Variants in RGS6 observed in about 807,000 individuals in gnomAD.
The protein encoded by RGS6 is regulator of G-protein signaling 6.
A neutral mutation model predicts 78.5 loss-of-function variants in RGS6; 30 were observed. The observed-to-expected ratio is 0.38, with a 90% confidence interval of 0.29 to 0.52. The LOEUF is 0.52. RGS6 is among the 20% of genes least tolerant of loss of function. The pLI is 0.85. For missense variants in RGS6, 495 were observed against 609.7 expected, an observed-to-expected ratio of 0.81 and a Z score of 1.98; for synonymous variants, 206 against 206.0, an observed-to-expected ratio of 1.00 and a Z score of 0.00.
intron 1 of RGS6, among the ~76,000 whole-genome samples, chr14:71,948,149 G>T (rs2091805646): frequency 2.0e-5 from 3 of 152,248 alleles, no homozygotes; most frequent in African/African-American, 7.2e-5. Context: ...CTCCTTCTAT[G>T]GCACGAGAGA....
chr14:71,948,492 C>G (rs980331776), intron 1 of RGS6, among the ~76,000 whole-genome samples: 1 of 152,204 alleles, frequency 6.6e-6, no homozygotes, highest in African/African-American at 2.4e-5. Context: ...TCCTCCAGAT[C>G]TGCATTTATT....
chr14:71,874,751 C>T, the RGS6 span, among the ~76,000 whole-genome samples: 178 of 152,230 alleles, frequency 1.2e-3, no homozygotes, highest in African/African-American at 4.1e-3. Context: ...CCAGTTTTTG[C>T]CCATTCAGTA....
intron 2 of RGS6, among the ~76,000 whole-genome samples, chr14:72,281,144 C>CTTTTTTTTTTT (rs11381940): frequency 8.9e-6 from 1 of 112,868 alleles, no homozygotes; most frequent in Non-Finnish European, 1.8e-5. Flanking sequence ...AAACAAGATT[C>CTTTTTTTTTTT]TTTTTTTTTT....
intron 3 of RGS6, among the ~76,000 whole-genome samples, chr14:72,377,425 A>G (rs968376242): frequency 6.6e-6 from 1 of 152,184 alleles, no homozygotes; most frequent in African/African-American, 2.4e-5. Context: ...AAAGGGAGAG[A>G]TAGACTACAA....
the RGS6 span, among the ~76,000 whole-genome samples, chr14:71,927,296 A>G: frequency 2.0e-5 from 3 of 152,250 alleles, no homozygotes; most frequent in African/African-American, 7.2e-5. Flanking sequence ...TTGCACTCTG[A>G]CATAACATTA....
chr14:72,320,553 G>C (rs1201235915), intron 2 of RGS6, among the ~76,000 whole-genome samples: 3 of 151,696 alleles, frequency 2.0e-5, no homozygotes, highest in African/African-American at 7.3e-5. Flanking sequence ...ACTCCAGCCT[G>C]GGCAATAGAG....
At chr14:72,597,262 G>C in the RGS6 span, among the ~76,000 whole-genome samples, 1 of 152,108 alleles carries the variant, frequency 6.6e-6, no homozygotes, top group East Asian at 1.9e-4. Context: ...GAGAGAGATA[G>C]TTGTGAGGAT....
At chr14:72,384,707 A>G (rs1212296392) in intron 3 of RGS6, among the ~76,000 whole-genome samples, 2 of 152,186 alleles carry the variant, frequency 1.3e-5, no homozygotes, top group Non-Finnish European at 2.9e-5. Context: ...GATATAACCA[A>G]TGGACTTTTA....
intron 7 of RGS6, 84 bp from the exon 8 acceptor site, chr14:72,469,923 A>C (rs888757477): frequency 1.7e-4 from 162 of 975,314 alleles, no homozygotes; most frequent in Non-Finnish European, 3.1e-5. Flanking sequence ...ACCAAAATTG[A>C]TGGATGCCTT....
Position 72,132,572 on chromosome 14 carries a change from C to T in RGS6, c.84+167697C>T, listed in dbSNP as rs112530118. Among the ~76,000 whole-genome samples the T allele has an allele frequency of 2.0e-3, 306 of 152,296 alleles. 2 individuals are homozygous for T. The highest frequency in any genetic ancestry group is 0.014 in the Middle Eastern group (4 of 294). On this transcript the variant is annotated intron_variant, in intron 2 of 17. Transcript: ENST00000553525. ...GGGATTACACACATGAGCCACCACG[C>T]CTGGCCCCATTTTATATACATGCTG...
the RGS6 span, among the ~76,000 whole-genome samples, chr14:71,871,128 A>G: frequency 6.6e-6 from 1 of 152,144 alleles, no homozygotes; most frequent in African/African-American, 2.4e-5. Flanking sequence ...GTTCCCATAG[A>G]CTGAGCTTGT....
the RGS6 span, among the ~76,000 whole-genome samples, chr14:71,918,456 C>G: frequency 6.6e-6 from 1 of 152,098 alleles, no homozygotes; most frequent in African/African-American, 2.4e-5. Flanking sequence ...GATTCCTTCT[C>G]TTAATTTTGT....
chr14:72,177,677 CT>C (rs1217983910), intron 2 of RGS6, among the ~76,000 whole-genome samples: 1 of 152,150 alleles, frequency 6.6e-6, no homozygotes, highest in East Asian at 1.9e-4. Context: ...TCCCTTAGAT[CT>C]TATTGTCTCA....
At chr14:71,953,974 T>TTTTG (rs1555399222) in intron 1 of RGS6, among the ~76,000 whole-genome samples, 1 of 145,542 alleles carries the variant, frequency 6.9e-6, no homozygotes, top group Non-Finnish European at 1.5e-5. Flanking sequence ...TGGGCGTTTT[T>TTTTG]TTTTTTTTTT....
intron 17 of RGS6, among the ~76,000 whole-genome samples, chr14:72,544,646 C>T (rs1384503782): frequency 3.9e-5 from 6 of 152,282 alleles, no homozygotes; most frequent in South Asian, 2.1e-4. Flanking sequence ...GGCATCTCTG[C>T]GACAGGCTTT....
intron 2 of RGS6, among the ~76,000 whole-genome samples, chr14:72,092,412 C>T (rs552942706): frequency 4.6e-4 from 70 of 152,144 alleles, no homozygotes; most frequent in African/African-American, 1.6e-3. Flanking sequence ...GCTGGTCTCT[C>T]GCTCTGTCAT....
chr14:71,976,276 TATA>T lies in RGS6; in HGVS notation c.84+11402_84+11404del, dbSNP rs1444293356. ...TTTATTTTTTATTTTTTTTAATTAT[TATA>T]CTTTAAGTTTTAGGGTACATGTGCA... On this transcript the variant is annotated intron_variant, in intron 2 of 17. Transcript: ENST00000553525. 9.9e-5 allele frequency among the ~76,000 whole-genome samples: 15 copies of T among 151,668 alleles called. No individual in the cohort carries two copies. The East Asian group carries it at 2.9e-3, about 29-fold the overall frequency.
chr14:72,422,447 A>T (rs2094235295), intron 3 of RGS6, among the ~76,000 whole-genome samples: 1 of 152,308 alleles, frequency 6.6e-6, no homozygotes, highest in Admixed American at 6.5e-5. Context: ...AGTATCTGCA[A>T]TCTTGGGGAA....
At chr14:72,380,400 T>C (rs1179002428) in intron 3 of RGS6, among the ~76,000 whole-genome samples, 11 of 151,826 alleles carry the variant, frequency 7.2e-5, no homozygotes, top group Non-Finnish European at 1.5e-5. Context: ...AGAGAAAATA[T>C]ATTCAAACTT....
Sources: allele counts gnomAD v4.1 joint callset (sites outside exome capture counted in the v4.1 genomes callset), GRCh38; gene constraint gnomAD v4.1.1; transcripts MANE v1.5; gene names NCBI Gene and HGNC (gene_info 2026-07-23, HGNC 2026-07-21).